Variants in DISP1 observed in about 807,000 individuals in gnomAD.
DISP1 encodes protein dispatched homolog 1.
A neutral mutation model predicts 37.3 loss-of-function variants in DISP1; 30 were observed. The observed-to-expected ratio is 0.80, with a 90% CI of 0.60 to 1.09. DISP1 has a LOEUF of 1.09. DISP1 is among the 50% of genes least tolerant of loss of function. DISP1 has a pLI of 0.00. For missense variants in DISP1, 1,598 were observed against 1,879.5 expected, an observed-to-expected ratio of 0.85 and a Z score of 2.77; for synonymous variants, 634 against 690.2, an observed-to-expected ratio of 0.92 and a Z score of 1.28.
chr1:222,904,569 A>ATTTT (rs555365219), intron 1 of DISP1, among the ~76,000 whole-genome samples: 1 of 144,482 alleles, frequency 6.9e-6, no homozygotes. Context: ...TTATTTTTTT[A>ATTTT]TTTTATTTTT....
intron 3 of DISP1, among the ~76,000 whole-genome samples, chr1:222,970,455 C>A (rs1676852020): frequency 6.6e-6 from 1 of 152,126 alleles, no homozygotes; most frequent in South Asian, 2.1e-4. Flanking sequence ...ATGGGGGGAT[C>A]ATTTTTATTG....
chr1:222,948,963 C>T (rs934004371), intron 3 of DISP1, among the ~76,000 whole-genome samples: 1 of 152,202 alleles, frequency 6.6e-6, no homozygotes, highest in Admixed American at 6.5e-5. Flanking sequence ...CCATTTGCTA[C>T]TTACCACCTT....
rs1434386029 is a variant in DISP1 at position 222,956,041 on chromosome 1, A to C, written c.509+12709A>C. Among the ~76,000 whole-genome samples, 4 of 152,216 alleles carry C rather than the reference A, an allele frequency of 2.6e-5. No homozygotes were observed. In the East Asian group the frequency reaches 7.7e-4, roughly 29 times the overall value. On this transcript the variant is annotated intron_variant, in intron 3 of 8. Transcript: ENST00000675850. ...GGAATGTAAGCAATTTACTGTTTCC[A>C]AGCACTATTTTGTTGTGCTAGTAAG... is the stretch of plus-strand genomic sequence containing the variant.
chr1:222,843,023 G>A (rs1179906784), intron 1 of DISP1, among the ~76,000 whole-genome samples: 1 of 151,866 alleles, frequency 6.6e-6, no homozygotes, highest in Non-Finnish European at 1.5e-5. Flanking sequence ...AATTTGAGGT[G>A]GAATGCATCT....
intron 1 of DISP1, among the ~76,000 whole-genome samples, chr1:222,881,403 C>A (rs968242767): frequency 6.6e-6 from 1 of 152,134 alleles, no homozygotes; most frequent in Non-Finnish European, 1.5e-5. Flanking sequence ...CCATGTTGGT[C>A]AGGCTGGTCT....
chr1:222,883,401 C>T lies in DISP1; in HGVS notation c.-158-45029C>T, dbSNP rs549564025. On this transcript the variant is annotated intron_variant, in intron 1 of 8. Transcript: ENST00000675850. ...TTGGGAGGCCGAGGCAGTCTGATCACGAGGTCAGGAGTTTGAGACCAGCCT... is the reference window on the plus strand; with the variant it reads ...TTGGGAGGCCGAGGCAGTCTGATCATGAGGTCAGGAGTTTGAGACCAGCCT... Among the ~76,000 whole-genome samples the T allele has an allele frequency of 3.3e-5, 5 of 152,132 alleles. No homozygotes were observed. In the East Asian group the frequency reaches 9.6e-4, roughly 29 times the overall value.
chr1:222,887,104 A>G (rs1287531452), intron 1 of DISP1, among the ~76,000 whole-genome samples: 1 of 152,232 alleles, frequency 6.6e-6, no homozygotes, highest in African/African-American at 2.4e-5. Context: ...AAAAATAATC[A>G]CAGAAGCTGA....
chr1:222,939,511 A>G (rs1044409189), intron 2 of DISP1, among the ~76,000 whole-genome samples: 11 of 151,988 alleles, frequency 7.2e-5, no homozygotes, highest in African/African-American at 2.7e-4. Flanking sequence ...CAATGTATTC[A>G]GTTCTTGCAC....
chr1:222,925,687 A>T (rs1673041330), intron 1 of DISP1, among the ~76,000 whole-genome samples: 1 of 152,144 alleles, frequency 6.6e-6, no homozygotes, highest in African/African-American at 2.4e-5. Flanking sequence ...GAGCTCAAAC[A>T]TACAGTGGTT....
chr1:222,968,177 G>C (rs1267264734), intron 3 of DISP1, among the ~76,000 whole-genome samples: 1 of 152,092 alleles, frequency 6.6e-6, no homozygotes, highest in East Asian at 1.9e-4. Context: ...TGATAACTCA[G>C]TGGGCTCCTG....
chr1:222,932,735 T>C (rs760350622), intron 2 of DISP1, among the ~76,000 whole-genome samples: 9 of 151,996 alleles, frequency 5.9e-5, no homozygotes, highest in Non-Finnish European at 1.0e-4. Flanking sequence ...ACAGTACTTA[T>C]AACACGAGTG....
At chr1:222,886,933 T>C (rs988663861) in intron 1 of DISP1, among the ~76,000 whole-genome samples, 1 of 152,242 alleles carries the variant, frequency 6.6e-6, no homozygotes, top group Non-Finnish European at 1.5e-5. Context: ...ATTCCTAGTT[T>C]GATGTCATGC....
rs1251070486 is a variant in DISP1 at position 222,985,371 on chromosome 1, G to T, written c.539+2262G>T. On this transcript the variant is annotated intron_variant, in intron 4 of 8. Coordinates refer to ENST00000675850, the MANE Select transcript of DISP1 (RefSeq NM_001377229.1). ...CCCCTCTAAAAAACACATATTTTTG[G>T]CCGGGCACAGTGGCTCACGCCTATA... Among the ~76,000 whole-genome samples, 3 of 152,156 alleles carry T rather than the reference G, an allele frequency of 2.0e-5. No homozygotes were observed. In the East Asian group the frequency reaches 5.8e-4, roughly 29 times the overall value.
chr1:222,836,856 T>C (rs945991662), intron 1 of DISP1: 1 of 370,660 alleles, frequency 2.7e-6, no homozygotes, highest in Non-Finnish European at 4.8e-6. Context: ...GAATCCTGGC[T>C]TAATCATTGC....
At chr1:222,857,851 C>T (rs1668637594) in intron 1 of DISP1, among the ~76,000 whole-genome samples, 1 of 152,190 alleles carries the variant, frequency 6.6e-6, no homozygotes, top group African/African-American at 2.4e-5. Context: ...AATGGCCATA[C>T]TGCCTAAAGT....
chr1:222,843,606 CAAG>C (rs1255806146), intron 1 of DISP1, among the ~76,000 whole-genome samples: 1 of 151,546 alleles, frequency 6.6e-6, no homozygotes, highest in Non-Finnish European at 1.5e-5. Flanking sequence ...AAATAGCAAA[CAAG>C]AACAAACATT....
At position 222,945,677 on chromosome 1, in the gene DISP1, A is replaced by G. The variant is rs1674717487; in HGVS notation, c.509+2345A>G. 2.6e-5 allele frequency: 4 copies of G among 152,178 alleles called. No homozygotes were observed. The South Asian group carries it at 8.3e-4, about 32-fold the overall frequency. The allele number at this position is 152,178 out of a possible 1,614,324, so 9.4% of individuals were successfully genotyped here. A position where few individuals can be genotyped will look rare whatever the true frequency, so the allele number is the denominator to read the frequency against. On this transcript the variant is annotated intron_variant, in intron 3 of 8. Coordinates refer to ENST00000675850, the MANE Select transcript of DISP1 (RefSeq NM_001377229.1). ...TGATAGGCAGGTGGCTGAGCTCATC[A>G]CTACCCTTGGTTGTGGGGTCATTGT...
intron 1 of DISP1, among the ~76,000 whole-genome samples, chr1:222,911,368 A>C (rs1672200968): frequency 6.6e-6 from 1 of 152,184 alleles, no homozygotes; most frequent in African/African-American, 2.4e-5. Flanking sequence ...CACCAAAGAG[A>C]CTGGGAGAAG....
intron 4 of DISP1, chr1:222,989,302 T>G: frequency 1.4e-5 from 13 of 905,016 alleles, no homozygotes; most frequent in Non-Finnish European, 1.7e-5. Context: ...ACTGAGAATT[T>G]GAGAGTAGTG....
Sources: allele counts gnomAD v4.1 joint callset (sites outside exome capture counted in the v4.1 genomes callset), GRCh38; gene constraint gnomAD v4.1.1; transcripts MANE v1.5; gene names NCBI Gene and HGNC (gene_info 2026-07-23, HGNC 2026-07-21).